The following SSR4 variants were observed in gnomAD, a reference collection of about 807,000 sequenced individuals.
SSR4 encodes the protein translocon-associated protein subunit delta.
For missense variants in SSR4, 125 were observed against 148.8 expected, an observed-to-expected ratio of 0.84 and a Z score of 0.83; for synonymous variants, 84 against 65.6, an observed-to-expected ratio of 1.28 and a Z score of -1.35.
intron 2 of SSR4, 47 bp from the exon 3 acceptor site, chrX:153,797,411 C>T: frequency 1.8e-6 from 2 of 1,138,539 alleles, no homozygotes; most frequent in Non-Finnish European, 2.4e-6. Flanking sequence ...CCTCTGCCCA[C>T]ACCCAGAGGG....
At chrX:153,796,284 G>C (rs1277015132) in intron 1 of SSR4, 150 bp from the exon 2 acceptor site, 3 of 447,049 alleles carry the variant, frequency 6.7e-6, no homozygotes, top group Admixed American at 3.7e-5. Flanking sequence ...CGAGCACTTG[G>C]ATCTGTCTCG....
intron 1 of SSR4, chrX:153,795,374 G>A (rs2092133427): frequency 8.8e-6 from 1 of 113,174 alleles, no homozygotes; most frequent in Non-Finnish European, 1.9e-5. Flanking sequence ...CGGGGGCCAG[G>A]ACTGGACAGG....
chrX:153,797,958 CT>C (rs1228706416), intron 4 of SSR4, 112 bp from the exon 5 acceptor site: 17 of 937,410 alleles, frequency 1.8e-5, no homozygotes, highest in Non-Finnish European at 2.6e-5. Flanking sequence ...CATTTCTCTC[CT>C]TTCCTTTTCT....
rs1467693271 is a variant in SSR4, at chrX:153,798,490, C to T, written c.*57C>T. On this transcript the variant is annotated 3_prime_UTR_variant, in exon 6 of 6. Transcript: ENST00000370086. The stretch of plus-strand genomic sequence containing the variant: ...TCAATAAACATCACAGGACCTGGGA[C>T]TGCACAGGACCTGGGGCTGCTGGCT... 4.8e-6 allele frequency: 5 copies of T among 1,037,764 alleles called. No homozygotes were observed. Among genetic ancestry groups the T allele is most frequent in the African/African-American group, 1.9e-5 (1 of 53,845 alleles). 85.5% of individuals were successfully genotyped at this position (1,037,764 alleles called of 1,213,427 possible).
upstream of SSR4, chrX:153,794,426 C>A: frequency 8.8e-7 from 1 of 1,138,187 alleles, no homozygotes; most frequent in Non-Finnish European, 1.2e-6. Context: ...GGACCCGGTA[C>A]TGCGCACGCG....
chrX:153,796,385 G>T (rs782001325), intron 1 of SSR4, 49 bp from the exon 2 acceptor site: 4 of 962,039 alleles, frequency 4.2e-6, no homozygotes, highest in Non-Finnish European at 3.0e-6. Context: ...CCCTCAGACC[G>T]GGATACTCGA....
At chrX:153,796,078 T>G in intron 1 of SSR4, 1 of 193,466 alleles carries the variant, frequency 5.2e-6, no homozygotes, top group Non-Finnish European at 9.4e-6. Flanking sequence ...CCAGGCCGTT[T>G]GTGGCTCTGA....
At chrX:153,794,511 C>T (rs2092126413), upstream of SSR4, 1 of 1,159,015 alleles carries the variant, frequency 8.6e-7, no homozygotes, top group Non-Finnish European at 1.2e-6. Flanking sequence ...GGGACCGCGA[C>T]CAGCTGGGCC....
chrX:153,795,495 C>T (rs2092134635), intron 1 of SSR4: 1 of 156,343 alleles, frequency 6.4e-6, no homozygotes, highest in African/African-American at 3.1e-5. Context: ...CCTCATCTGC[C>T]CCTCAGGAAT....
chrX:153,795,028 T>A (rs2148448637), intron 1 of SSR4: 1 of 382,757 alleles, frequency 2.6e-6, no homozygotes, highest in East Asian at 4.5e-5. Flanking sequence ...ACGTGACACA[T>A]GTCCCGGCTC....
chrX:153,796,144 T>G, intron 1 of SSR4: 1 of 326,878 alleles, frequency 3.1e-6, no homozygotes, highest in Non-Finnish European at 5.4e-6. Context: ...TGTTGGCATG[T>G]ATTGTCCAGT....
intron 2 of SSR4, chrX:153,796,832 G>A (rs1557072665): frequency 1.9e-5 from 6 of 322,126 alleles, no homozygotes; most frequent in Admixed American, 1.6e-4. Flanking sequence ...AGCCCACCCC[G>A]GTTGCCATTG....
At position 153,794,700 on chromosome X, in the gene SSR4, G is replaced by A. The variant is rs2148448297; in HGVS notation, c.13G>A (p.Ala5Thr). Residue 5 changes from alanine (A) to threonine (T), a missense_variant, in exon 1 of 6, where the codon GCA (alanine) becomes ACA (threonine). Physicochemically the swap from Ala to Thr is moderately conservative, Grantham distance 58. Transcript: ENST00000370086. The stretch of plus-strand genomic sequence containing the variant: ...CAGAGAAGAGGCGATGGCGGCGATG[G>A]CATCTCTCGGCGCCCTGGCGCTGCT... MAAM[A>T]SLGALALLLL... The A allele has an allele frequency of 2.5e-6, 3 of 1,212,179 alleles. No homozygotes were observed. The African/African-American group carries it at 5.2e-5, about 21-fold the overall frequency.
intron 2 of SSR4, 80 bp from the exon 3 acceptor site, chrX:153,797,378 C>A: frequency 1.1e-6 from 1 of 915,264 alleles, no homozygotes; most frequent in East Asian, 3.1e-5. Flanking sequence ...CACCTGCAGG[C>A]CGTGTGAGCA....
chrX:153,796,249 C>T, intron 1 of SSR4, 185 bp from the exon 2 acceptor site: 1 of 428,091 alleles, frequency 2.3e-6, no homozygotes, highest in African/African-American at 2.4e-5. Flanking sequence ...AGCCATCCCG[C>T]CTACGTTGCC....
chrX:153,794,433 C>T, upstream of SSR4: 1 of 1,134,944 alleles, frequency 8.8e-7, no homozygotes. Flanking sequence ...GTACTGCGCA[C>T]GCGCGCGGTC....
In SSR4 at chrX:153,797,747, A is replaced by G. The variant is rs1454027066; in HGVS notation, c.284A>G (p.Lys95Arg). The G allele has an allele frequency of 4.1e-6, 5 of 1,209,260 alleles. No homozygotes were observed. In the African/African-American group the frequency reaches 8.7e-5, roughly 21 times the overall value. The change falls in exon 4 of 6, where the codon AAG (lysine) becomes AGG (arginine). Residue 95 changes from lysine (K) to arginine (R), a missense_variant. Transcript: ENST00000370086. ...CAGGTGTCCTGGAGCCTGGACCACA[A>G]GAGCGCCCACGCAGGCACCTATGAG... ...RYQVSWSLDH[K>R]SAHAGTYEVR... is the part of the protein sequence containing the mutation.
chrX:153,794,342 C>G (rs782753578), upstream of SSR4: 1 of 1,187,348 alleles, frequency 8.4e-7, no homozygotes, highest in Admixed American at 2.2e-5. Context: ...AAAGTGAGAG[C>G]CTCCGCACGT....
At chrX:153,795,648 C>T in intron 1 of SSR4, 1 of 753,992 alleles carries the variant, frequency 1.3e-6, no homozygotes. Flanking sequence ...AGAACTGCCT[C>T]CACGCTGTTC....
Sources: gnomAD v4.1 joint callset for allele counts on GRCh38, gnomAD v4.1.1 for gene constraint, MANE v1.5 for transcripts, NCBI Gene and HGNC (gene_info 2026-07-23, HGNC 2026-07-21) for gene names.